The following PPP1R18 variants were observed in gnomAD, a reference collection of about 807,000 sequenced individuals.
PPP1R18 encodes protein phosphatase 1 regulatory subunit 18.
Under a neutral mutation model 54.8 loss-of-function variants are expected in PPP1R18, and 31 were observed. The observed-to-expected ratio is 0.57, with a 90% CI of 0.43 to 0.76. The LOEUF is 0.76. Among genes scored for constraint, PPP1R18 ranks in the 30% least tolerant of loss-of-function variants. The pLI is 0.00. For synonymous variants in PPP1R18, 310 were observed against 320.2 expected (o/e 0.97, Z 0.34); for missense variants, 685 against 776.1 (o/e 0.88, Z 1.39).
chr6:30,684,426 G>A lies in PPP1R18; in HGVS notation c.1593C>T (p.Pro531=), dbSNP rs371091041. 5 of 1,575,328 alleles carry A rather than the reference G, an allele frequency of 3.2e-6. No homozygotes were observed. Among genetic ancestry groups the A allele is most frequent in the African/African-American group, 2.7e-5 (2 of 74,060 alleles). ...TCCCTACCTGTTTGTGGTGTCTTTC[G>A]GGGGACCCCTTGGCAAGGCAGCTGC... The part of the protein sequence containing the change: ...LSRSCLAKGS[P]ERHHKQLKIS... The change falls in exon 1 of 3, where the codon CCC becomes CCT. Residue 531 remains proline (P), a synonymous_variant. Coordinates refer to ENST00000274853, the MANE Select transcript of PPP1R18 (RefSeq NM_133471.4). The surrounding 1 kb of genome is among the most constrained non-coding windows in gnomAD (Gnocchi z 6.0).
chr6:30,687,840 C>CG (rs1334814163), upstream of PPP1R18: 4 of 152,172 alleles, frequency 2.6e-5, no homozygotes, highest in African/African-American at 4.8e-5. This position sits in a 1 kb window ranked among gnomAD's most constrained non-coding sequence, Gnocchi z 7.9. Context: ...GGTCGGCTGC[C>CG]GGGAAAAAGG....
At position 30,679,248 on chromosome 6, in the gene PPP1R18, C is replaced by G; in HGVS notation, c.1753G>C (p.Asp585His). 2.5e-6 allele frequency: 4 copies of G among 1,577,010 alleles called. No individual in the cohort carries two copies. Among genetic ancestry groups the G allele is most frequent in the Non-Finnish European group, 3.4e-6 (4 of 1,161,380 alleles). Residue 585 changes from aspartate (D) to histidine (H), a missense_variant, in exon 2 of 3, where the codon GAT becomes CAT. Asp to His is a moderately conservative substitution (Grantham distance 81). Transcript: ENST00000274853. ...TGCAGCAGCAGCAGCTCTTCCTCATCCTCTTCGTCGTCGGGTTGGGCTGCT... is the reference window on the plus strand; with the variant it reads ...TGCAGCAGCAGCAGCTCTTCCTCATGCTCTTCGTCGTCGGGTTGGGCTGCT... ...PPAAQPDDEE[D>H]EEELLLLQPE...
chr6:30,684,590 G>T lies in PPP1R18; in HGVS notation c.1429C>A (p.Arg477=), dbSNP rs755767231. 1 of 1,597,612 alleles carries T rather than the reference G, an allele frequency of 6.3e-7. No homozygotes were observed. The highest frequency in any genetic ancestry group is 8.5e-7 in the Non-Finnish European group (1 of 1,171,638). ...GGGGTCGCAGGGGGCACAGACCGCC[G>T]GGGGTTGACGGTGAAGGTGTGTCCA... ...RSGHTFTVNP[R]RSVPPATPAT... Residue 477 remains arginine, a synonymous_variant, in exon 1 of 3, where the codon CGG becomes AGG. Coordinates refer to ENST00000274853, the MANE Select transcript of PPP1R18 (RefSeq NM_133471.4). This position sits in a 1 kb window ranked among gnomAD's most constrained non-coding sequence, Gnocchi z 6.0.
At chr6:30,680,188 A>C (rs1468995901) in intron 1 of PPP1R18, among the ~76,000 whole-genome samples, 1 of 152,190 alleles carries the variant, frequency 6.6e-6, no homozygotes, top group Non-Finnish European at 1.5e-5. Flanking sequence ...CACAGAGACA[A>C]AATACCAGAC....
chr6:30,677,133 G>T lies in PPP1R18; in HGVS notation c.*136C>A. On this transcript the variant is annotated 3_prime_UTR_variant, in exon 3 of 3. Transcript: ENST00000274853. ...TGGCTCTGCCCCCAGAAACAGGGTG[G>T]GGAAAGCAAGTTACAAGATGTTGGT... 1.2e-6 allele frequency: 1 copy of T among 851,902 alleles called. No homozygotes were observed. Among genetic ancestry groups the T allele is most frequent in the Non-Finnish European group, 2.0e-6 (1 of 493,560 alleles). The allele number at this position is 851,902 out of a possible 1,614,324, so 52.8% of individuals were successfully genotyped here.
chr6:30,687,821 G>A (rs1354261044), upstream of PPP1R18: 1 of 152,304 alleles, frequency 6.6e-6, no homozygotes, highest in Non-Finnish European at 1.5e-5. The surrounding 1 kb of genome is among the most constrained non-coding windows in gnomAD (Gnocchi z 7.9). Context: ...TGTCTCCCTT[G>A]GGTCTACAGG....
In PPP1R18 at chr6:30,685,506, G is replaced by C. The variant is rs780228643; in HGVS notation, c.513C>G (p.Asp171Glu). The C allele has an allele frequency of 6.2e-7, 1 of 1,612,984 alleles. No homozygotes were observed. Among genetic ancestry groups the C allele is most frequent in the Non-Finnish European group, 8.5e-7 (1 of 1,180,012 alleles). The change falls in exon 1 of 3, where the codon GAC becomes GAG. Residue 171 changes from aspartate (D) to glutamate (E), a missense_variant. Asp to Glu is a conservative substitution (Grantham distance 45, BLOSUM62 2). Coordinates refer to ENST00000274853, the MANE Select transcript of PPP1R18 (RefSeq NM_133471.4). The surrounding 1 kb of genome is among the most constrained non-coding windows in gnomAD (Gnocchi z 5.0). ...ELSLRPLEARDWRQSPGEVGD... is the reference protein window; with the variant it reads ...ELSLRPLEAREWRQSPGEVGD... ...CCACCTCTCCTGGGCTTTGCCTCCA[G>C]TCCCGAGCCTCCAGAGGCCTCAGGC...
In PPP1R18 at chr6:30,685,066, G is replaced by A. The variant is rs753860880; in HGVS notation, c.953C>T (p.Pro318Leu). ...SAGVEAAEQR[P>L]VEDGERGMKP... is the part of the protein sequence containing the mutation. ...CATGCCCCTCTCGCCATCTTCCACA[G>A]GCCTCTGCTCTGCTGCCTCCACTCC... The change falls in exon 1 of 3, where the codon CCT (proline) becomes CTT (leucine). Residue 318 changes from proline (P) to leucine (L), a missense_variant. By Grantham distance (98) the Pro-to-Leu change is moderately conservative. Transcript: ENST00000274853. This position sits in a 1 kb window ranked among gnomAD's most constrained non-coding sequence, Gnocchi z 5.0. The A allele has an allele frequency of 5.0e-6, 8 of 1,613,084 alleles. No individual in the cohort carries two copies. In the East Asian group the frequency reaches 1.1e-4, roughly 22 times the overall value.
chr6:30,683,019 G>A lies in PPP1R18; in HGVS notation c.1611+1389C>T, dbSNP rs1199049303. Among the ~76,000 whole-genome samples the A allele has an allele frequency of 2.0e-5, 3 of 152,330 alleles. No individual in the cohort carries two copies. The East Asian group carries it at 5.8e-4, about 29-fold the overall frequency. On this transcript the variant is annotated intron_variant, in intron 1 of 2. Transcript: ENST00000274853. The surrounding 1 kb of genome is among the most constrained non-coding windows in gnomAD (Gnocchi z 5.1). ...GGGGAACAGGCTGGTAGCAGTCAGA[G>A]GGCTGAGGGTAGGTTCCCAAGAACC...
At position 30,676,418 on chromosome 6, in the gene PPP1R18, G is replaced by A. The variant is rs1310437941; in HGVS notation, c.*851C>T. 6.6e-6 allele frequency: 1 copy of A among 151,944 alleles called. No homozygotes were observed. The highest frequency in any genetic ancestry group is 1.5e-5 in the Non-Finnish European group (1 of 68,012). 9.4% of individuals were successfully genotyped at this position (151,944 alleles called of 1,614,324 possible). ...AGAGAACTCCATTTTATTATGGAAA[G>A]TTAAAAAACAAACAAAACAAAACAG... On this transcript the variant is annotated 3_prime_UTR_variant, in exon 3 of 3. Transcript: ENST00000274853.
chr6:30,679,518 G>C (rs1332325400), intron 1 of PPP1R18, 129 bp from the exon 2 acceptor site: 8 of 486,782 alleles, frequency 1.6e-5, no homozygotes, highest in Non-Finnish European at 2.8e-5. Context: ...GGCGGAACGT[G>C]GGGGTGGGGG....
At position 30,684,492 on chromosome 6, in the gene PPP1R18, G is replaced by C. The variant is rs755748757; in HGVS notation, c.1527C>G (p.Ala509=). The C allele has an allele frequency of 1.9e-6, 3 of 1,612,214 alleles. No homozygotes were observed. Among genetic ancestry groups the C allele is most frequent in the Admixed American group, 3.3e-5 (2 of 59,876 alleles). Residue 509 remains alanine (A), a synonymous_variant, in exon 1 of 3, where the codon GCC becomes GCG. Coordinates refer to ENST00000274853, the MANE Select transcript of PPP1R18 (RefSeq NM_133471.4). This position sits in a 1 kb window ranked among gnomAD's most constrained non-coding sequence, Gnocchi z 6.0. ...AGCCCCCCAGAACCAAGATCTCCTC[G>C]GCAGTTGGGTACCGCTTCTTCCCAG... ...PGAGKKRYPT[A]EEILVLGGYL...
chr6:30,686,117 G>A lies in PPP1R18; in HGVS notation c.-99C>T, dbSNP rs1770915742. 1.5e-6 allele frequency: 2 copies of A among 1,294,702 alleles called. No homozygotes were observed. The highest frequency in any genetic ancestry group is 4.6e-5 in the Admixed American group (2 of 43,544). 80.2% of individuals were successfully genotyped at this position (1,294,702 alleles called of 1,614,324 possible). ...CCCGGGGGTGAGACTGAGGGTGGGAGGAGAGGAAGTGGAGGGGGAGAGGTG... is the reference window on the plus strand; with the variant it reads ...CCCGGGGGTGAGACTGAGGGTGGGAAGAGAGGAAGTGGAGGGGGAGAGGTG... On this transcript the variant is annotated 5_prime_UTR_variant, in exon 1 of 3. Coordinates refer to ENST00000274853, the MANE Select transcript of PPP1R18 (RefSeq NM_133471.4).
chr6:30,679,221 G>A lies in PPP1R18; in HGVS notation c.1780C>T (p.Pro594Ser). 1 of 1,584,954 alleles carries A rather than the reference G, an allele frequency of 6.3e-7. No individual in the cohort carries two copies. Among genetic ancestry groups the A allele is most frequent in the Non-Finnish European group, 8.6e-7 (1 of 1,167,008 alleles). Reference sequence around the variant, plus strand: ...GTGCGCAGCCCGCCCTGGAGCTCTGGCTGCAGCAGCAGCAGCTCTTCCTCA... The same window carrying A: ...GTGCGCAGCCCGCCCTGGAGCTCTGACTGCAGCAGCAGCAGCTCTTCCTCA... ...EDEEELLLLQ[P>S]ELQGGLRTKA... The change falls in exon 2 of 3, where the codon CCA becomes TCA. Residue 594 changes from proline (P) to serine (S), a missense_variant. Transcript: ENST00000274853.
intron 1 of PPP1R18, among the ~76,000 whole-genome samples, chr6:30,681,280 C>G (rs1029373733): frequency 6.6e-6 from 1 of 151,854 alleles, no homozygotes; most frequent in Non-Finnish European, 1.5e-5. Context: ...TTCCTTCTGC[C>G]TGGAACACTC....
chr6:30,684,764 C>T lies in PPP1R18; in HGVS notation c.1255G>A (p.Glu419Lys). The change falls in exon 1 of 3, where the codon GAA becomes AAA. Residue 419 changes from glutamate (E) to lysine (K), a missense_variant. By Grantham distance (56) the Glu-to-Lys change is moderately conservative. Coordinates refer to ENST00000274853, the MANE Select transcript of PPP1R18 (RefSeq NM_133471.4). The surrounding 1 kb of genome is among the most constrained non-coding windows in gnomAD (Gnocchi z 6.0). Reference sequence around the variant, plus strand: ...GGTGGGGGCTGGAGCTCCACTGCTTCCTCTTCCTGCTGTCTCAGGCCTCCA... The same window carrying T: ...GGTGGGGGCTGGAGCTCCACTGCTTTCTCTTCCTGCTGTCTCAGGCCTCCA... ...GTGGLRQQEE[E>K]AVELQPPPPA... is the part of the protein sequence containing the mutation. 6.3e-7 allele frequency: 1 copy of T among 1,590,060 alleles called. No homozygotes were observed.
chr6:30,679,093 C>G, intron 2 of PPP1R18, 86 bp downstream of exon 2: 1 of 1,162,790 alleles, frequency 8.6e-7, no homozygotes, highest in Non-Finnish European at 1.2e-6. Context: ...CGAGTGCCTA[C>G]ATGTAATCCT....
At chr6:30,681,808 G>A (rs1173103114) in intron 1 of PPP1R18, among the ~76,000 whole-genome samples, 1 of 152,064 alleles carries the variant, frequency 6.6e-6, no homozygotes, top group African/African-American at 2.4e-5. Flanking sequence ...TTAGAAGTTG[G>A]TACAATGCAA....
Position 30,679,187 on chromosome 6 carries a change from A to G in PPP1R18, c.1814T>C (p.Leu605Pro). Residue 605 changes from leucine (L) to proline (P), a missense_variant, in exon 2 of 3, where the codon CTG (leucine) becomes CCG (proline). Leu to Pro is a moderately conservative substitution (Grantham distance 98, BLOSUM62 -3). Coordinates refer to ENST00000274853, the MANE Select transcript of PPP1R18 (RefSeq NM_133471.4). ...GCGGAGCCTCCGCTTACCCACAATC[A>G]GGGCCTTGGTGCGCAGCCCGCCCTG... ...ELQGGLRTKALIVDESCRR is the reference protein window; with the variant it reads ...ELQGGLRTKAPIVDESCRR 6.3e-7 allele frequency: 1 copy of G among 1,595,166 alleles called. No individual in the cohort carries two copies. The highest frequency in any genetic ancestry group is 1.1e-5 in the South Asian group (1 of 90,002).
Sources: allele counts gnomAD v4.1 joint callset (sites outside exome capture counted in the v4.1 genomes callset), GRCh38; gene constraint gnomAD v4.1.1; non-coding constraint Gnocchi (gnomAD v3.1); transcripts MANE v1.5; gene names NCBI Gene and HGNC (gene_info 2026-07-23, HGNC 2026-07-21).